The following GMNC variants were observed in gnomAD, a reference collection of about 807,000 sequenced individuals.
GMNC encodes the protein geminin coiled-coil domain-containing protein 1.
In GMNC, 16 loss-of-function variants were observed where a neutral mutation model predicts 33.6. The observed-to-expected ratio is 0.48, with a 90% confidence interval of 0.32 to 0.72. GMNC has a LOEUF of 0.72. Among genes scored for constraint, GMNC ranks in the 30% least tolerant of loss-of-function variants. The pLI is 0.03. For synonymous variants in GMNC, 156 were observed against 147.3 expected (o/e 1.06, Z -0.43); for missense variants, 393 against 388.9 (o/e 1.01, Z -0.09).
At chr3:190,857,668 C>G in intron 4 of GMNC, 115 bp downstream of exon 4, 1 of 555,512 alleles carries the variant, frequency 1.8e-6, no homozygotes, top group Non-Finnish European at 3.2e-6. Flanking sequence ...AAAAACCATC[C>G]ATCTTATAAA....
At chr3:190,844,494 T>C in the GMNC span, among the ~76,000 whole-genome samples, 1 of 149,570 alleles carries the variant, frequency 6.7e-6, no homozygotes, top group Non-Finnish European at 1.5e-5. Flanking sequence ...AATTCCTAAA[T>C]TTATATGCAT....
chr3:190,860,831 A>C lies in GMNC; in HGVS notation c.31T>G (p.Tyr11Asp). The C allele has an allele frequency of 1.9e-6, 3 of 1,551,028 alleles. No homozygotes were observed. In the African/African-American group the frequency reaches 4.1e-5, roughly 21 times the overall value. The change falls in exon 2 of 5, where the codon TAC becomes GAC. Residue 11 changes from tyrosine to aspartate, a missense_variant. Transcript: ENST00000442080. MNTILPCQDQ[Y>D]FVGGQSYNCP... The stretch of plus-strand genomic sequence containing the variant: ...TTATAGCTCTGGCCTCCTACAAAGT[A>C]CTGGTCTTGGCAAGGCAGAATGGTG...
At chr3:190,857,086 T>C (rs1737762788) in intron 4 of GMNC, among the ~76,000 whole-genome samples, 1 of 148,430 alleles carries the variant, frequency 6.7e-6, no homozygotes, top group Admixed American at 6.9e-5. Flanking sequence ...ATGGAAAAGA[T>C]TGATGATGAA....
chr3:190,849,926 GA>G (rs1248664702), downstream of GMNC, among the ~76,000 whole-genome samples: 1 of 152,234 alleles, frequency 6.6e-6, no homozygotes, highest in Non-Finnish European at 1.5e-5. Flanking sequence ...AAAGGAAGAA[GA>G]GGAAGACTTT....
chr3:190,846,098 A>G, the GMNC span, among the ~76,000 whole-genome samples: 5 of 152,050 alleles, frequency 3.3e-5, no homozygotes, highest in African/African-American at 1.2e-4. Context: ...GTGTGATGGC[A>G]TGCACGTGTG....
intron 2 of GMNC, among the ~76,000 whole-genome samples, chr3:190,860,109 C>G (rs1737828932): frequency 6.6e-6 from 1 of 152,154 alleles, no homozygotes; most frequent in Admixed American, 6.5e-5. Flanking sequence ...TTAACACAGA[C>G]ATTTCTTTAA....
At chr3:190,846,590 TG>T in the GMNC span, among the ~76,000 whole-genome samples, 169 of 152,328 alleles carry the variant, frequency 1.1e-3, no homozygotes, top group Admixed American at 1.6e-3. Context: ...TGGTAATTTA[TG>T]ACTTGCTGAT....
At chr3:190,851,767 C>A (rs569402838), downstream of GMNC, among the ~76,000 whole-genome samples, 19 of 151,850 alleles carry the variant, frequency 1.3e-4, no homozygotes, top group Non-Finnish European at 2.5e-4. Flanking sequence ...GCTCCATTCG[C>A]TAAAAAATGT....
rs1331141351 is a variant in GMNC, at chr3:190,854,771, A to G, written c.*524T>C. 1.2e-5 allele frequency: 2 copies of G among 167,378 alleles called. No homozygotes were observed. Among genetic ancestry groups the G allele is most frequent in the African/African-American group, 2.4e-5 (1 of 41,634 alleles). 10.4% of individuals were successfully genotyped at this position (167,378 alleles called of 1,614,324 possible). A position where few individuals can be genotyped will look rare whatever the true frequency, so the allele number is the denominator to read the frequency against. The stretch of plus-strand genomic sequence containing the variant: ...ACATAATGCTACACACATCCACATT[A>G]TGTCTTCAGGAGTAGTGGTGATGGG... On this transcript the variant is annotated 3_prime_UTR_variant, in exon 5 of 5. Coordinates refer to ENST00000442080, the MANE Select transcript of GMNC (RefSeq NM_001146686.3).
rs1264109763 is a variant in GMNC at position 190,855,722 on chromosome 3, A to C, written c.578T>G (p.Leu193Arg). The C allele has an allele frequency of 1.3e-6, 2 of 1,551,490 alleles. No individual in the cohort carries two copies. The highest frequency in any genetic ancestry group is 2.4e-5 in the South Asian group (2 of 84,062). Reference protein sequence around the residue: ...PPVDPWVLQTLGLKDLDTIDD... With the variant: ...PPVDPWVLQTRGLKDLDTIDD... Reference sequence around the variant, plus strand: ...GATAGTGTCAAGGTCTTTTAACCCAAGTGTTTGAAGGACCCAGGGATCCAC... The same window carrying C: ...GATAGTGTCAAGGTCTTTTAACCCACGTGTTTGAAGGACCCAGGGATCCAC... The change falls in exon 5 of 5, where the codon CTT becomes CGT. Residue 193 changes from leucine to arginine, a missense_variant. Coordinates refer to ENST00000442080, the MANE Select transcript of GMNC (RefSeq NM_001146686.3).
At chr3:190,849,618 C>G (rs562096210), downstream of GMNC, among the ~76,000 whole-genome samples, 2 of 152,134 alleles carry the variant, frequency 1.3e-5, no homozygotes, top group Non-Finnish European at 2.9e-5. Flanking sequence ...ATTAAGGACT[C>G]TCTTGAAATG....
chr3:190,854,184 A>G lies in GMNC; in HGVS notation c.*1111T>C, dbSNP rs1737683730. 1 of 152,154 alleles carries G rather than the reference A, an allele frequency of 6.6e-6. No homozygotes were observed. Among genetic ancestry groups the G allele is most frequent in the South Asian group, 2.1e-4 (1 of 4,824 alleles). The allele number at this position is 152,154 out of a possible 1,614,324, so 9.4% of individuals were successfully genotyped here. ...AGGACCCAGCCTCAATTCATAGAAT[A>G]TTAGTAATTATCTAGTCCAACTTCT... On this transcript the variant is annotated 3_prime_UTR_variant, in exon 5 of 5. Coordinates refer to ENST00000442080, the MANE Select transcript of GMNC (RefSeq NM_001146686.3).
chr3:190,860,592 C>T (rs536652736), intron 2 of GMNC, 92 bp downstream of exon 2: 3 of 1,109,072 alleles, frequency 2.7e-6, no homozygotes, highest in African/African-American at 3.2e-5. Flanking sequence ...CATATCGTCC[C>T]TTATTCTAGA....
chr3:190,855,340 A>T lies in GMNC; in HGVS notation c.960T>A (p.Asp320Glu). Residue 320 changes from aspartate to glutamate, a missense_variant, in exon 5 of 5, where the codon GAT (aspartate) becomes GAA (glutamate). Coordinates refer to ENST00000442080, the MANE Select transcript of GMNC (RefSeq NM_001146686.3). ...FHQGQAFVRR[D>E]EEGGWKFTWV... ...AGGTAAACTTCCAGCCTCCCTCCTC[A>T]TCTCGACGCACAAAGGCTTGTCCCT... 6.4e-7 allele frequency: 1 copy of T among 1,551,760 alleles called. No homozygotes were observed. The highest frequency in any genetic ancestry group is 8.7e-7 in the Non-Finnish European group (1 of 1,146,864).
downstream of GMNC, among the ~76,000 whole-genome samples, chr3:190,848,635 G>A (rs1322285164): frequency 2.0e-5 from 3 of 152,130 alleles, no homozygotes; most frequent in African/African-American, 2.4e-5. Context: ...TTACATTTGC[G>A]AATTAAATTG....
chr3:190,858,899 C>G (rs556871277), intron 3 of GMNC, 29 bp downstream of exon 3: 341 of 1,283,370 alleles, frequency 2.7e-4, no homozygotes, highest in Non-Finnish European at 3.3e-4. Context: ...TAGAACATGA[C>G]CAGTCTCAAT....
In GMNC at chr3:190,854,074, C is replaced by T. The variant is rs1316720192; in HGVS notation, c.*1221G>A. 2.6e-5 allele frequency: 4 copies of T among 152,134 alleles called. No homozygotes were observed. Among genetic ancestry groups the T allele is most frequent in the Non-Finnish European group, 5.9e-5 (4 of 68,026 alleles). 9.4% of individuals were successfully genotyped at this position (152,134 alleles called of 1,614,324 possible). On this transcript the variant is annotated 3_prime_UTR_variant, in exon 5 of 5. Transcript: ENST00000442080. ...TTATTAATTGTACATAAAGTTTACC[C>T]TACCTAATACTTGCAGTGCCTATCT... is the stretch of plus-strand genomic sequence containing the variant.
downstream of GMNC, among the ~76,000 whole-genome samples, chr3:190,849,291 C>T (rs1393216674): frequency 3.3e-5 from 5 of 152,190 alleles, no homozygotes; most frequent in Admixed American, 6.5e-5. Context: ...GGTGCACACA[C>T]GGCTCTATTC....
intron 4 of GMNC, among the ~76,000 whole-genome samples, chr3:190,856,326 TATAA>T (rs1208087339): frequency 1.4e-5 from 2 of 144,294 alleles, no homozygotes; most frequent in Admixed American, 1.4e-4. Flanking sequence ...TATAAATATT[TATAA>T]ATAAATAAAA....
Sources: allele counts gnomAD v4.1 joint callset (sites outside exome capture counted in the v4.1 genomes callset), GRCh38; gene constraint gnomAD v4.1.1; transcripts MANE v1.5; gene names NCBI Gene and HGNC (gene_info 2026-07-23, HGNC 2026-07-21).